STIM1: variants seen among roughly 807,000 people sequenced by gnomAD.
STIM1 encodes stromal interaction molecule 1.
In STIM1, 25 loss-of-function variants were observed where a neutral mutation model predicts 74.7. The observed-to-expected ratio is 0.33, with a 90% CI of 0.24 to 0.47. The LOEUF (loss-of-function observed/expected upper bound fraction) is 0.47. STIM1 is among the 20% of genes least tolerant of loss of function. The pLI, the probability that STIM1 is intolerant of heterozygous loss-of-function variation, is 1.00. For synonymous variants in STIM1, 328 were observed against 348.8 expected, an observed-to-expected ratio of 0.94 and a Z score of 0.66; for missense variants, 728 against 920.8, an observed-to-expected ratio of 0.79 and a Z score of 2.71.
At chr11:3,953,899 C>T (rs1006437917) in intron 1 of STIM1, among the ~76,000 whole-genome samples, 3 of 151,774 alleles carry the variant, frequency 2.0e-5, no homozygotes, top group African/African-American at 7.3e-5. Context: ...CCTCTCATCC[C>T]AGCCTCCCTA....
At chr11:3,876,668 C>G (rs1590516776) in intron 1 of STIM1, among the ~76,000 whole-genome samples, 1 of 152,282 alleles carries the variant, frequency 6.6e-6, no homozygotes, top group South Asian at 2.1e-4. Context: ...CTCCATCTCC[C>G]AAAGTGATGG....
At chr11:3,938,771 C>T (rs541879654) in intron 1 of STIM1, among the ~76,000 whole-genome samples, 244 of 152,228 alleles carry the variant, frequency 1.6e-3, no homozygotes, top group African/African-American at 5.5e-3. Flanking sequence ...TGCTTGAACC[C>T]GGGAGGCAGA....
At chr11:3,955,954 C>CA (rs1344107694) in intron 1 of STIM1, among the ~76,000 whole-genome samples, 7 of 150,970 alleles carry the variant, frequency 4.6e-5, no homozygotes, top group African/African-American at 1.7e-4. Context: ...GCTCCCTGTG[C>CA]AGCAGGGCTA....
intron 6 of STIM1, 82 bp from the exon 7 acceptor site, chr11:4,074,420 C>A: frequency 6.5e-7 from 1 of 1,531,160 alleles, no homozygotes; most frequent in African/African-American, 1.4e-5. Context: ...CTGTCATTTT[C>A]CTCTTTGATG....
At chr11:3,906,118 G>C (rs1324364909) in intron 1 of STIM1, among the ~76,000 whole-genome samples, 1 of 152,214 alleles carries the variant, frequency 6.6e-6, no homozygotes, top group Non-Finnish European at 1.5e-5. Flanking sequence ...AAAAGAATCA[G>C]CTTCCAGGCC....
chr11:4,017,179 G>T (rs2093907031), intron 2 of STIM1, among the ~76,000 whole-genome samples: 1 of 152,200 alleles, frequency 6.6e-6, no homozygotes. Flanking sequence ...CTGTAGACCG[G>T]AGCTGTTCCT....
chr11:3,906,569 T>C (rs2092468833), intron 1 of STIM1, among the ~76,000 whole-genome samples: 1 of 152,232 alleles, frequency 6.6e-6, no homozygotes, highest in Admixed American at 6.5e-5. Context: ...TATAAAATAA[T>C]ATATACTGTC....
intron 1 of STIM1, among the ~76,000 whole-genome samples, chr11:3,911,646 C>G (rs2092564147): frequency 6.6e-6 from 1 of 152,092 alleles, no homozygotes; most frequent in South Asian, 2.1e-4. Flanking sequence ...CTTGGCCTCC[C>G]ACAGTGTTGG....
chr11:3,965,544 G>A (rs1019249716), intron 1 of STIM1, among the ~76,000 whole-genome samples: 1 of 152,210 alleles, frequency 6.6e-6, no homozygotes, highest in Non-Finnish European at 1.5e-5. Context: ...TGGTGAGGTA[G>A]TAGAGAAACA....
chr11:3,962,011 C>T (rs1026622286), intron 1 of STIM1, among the ~76,000 whole-genome samples: 2 of 152,132 alleles, frequency 1.3e-5, no homozygotes, highest in African/African-American at 4.8e-5. Flanking sequence ...TTGAAACTAC[C>T]TAGTTAACTA....
At chr11:4,003,373 C>G (rs1251613886) in intron 2 of STIM1, among the ~76,000 whole-genome samples, 2 of 151,484 alleles carry the variant, frequency 1.3e-5, no homozygotes, top group African/African-American at 4.9e-5. Flanking sequence ...AGCAGCACAT[C>G]AAAAAGCTTA....
chr11:3,967,546 A>C lies in STIM1; in HGVS notation c.140-6A>C. The C allele has an allele frequency of 1.9e-6, 3 of 1,614,128 alleles. No individual in the cohort carries two copies. The highest frequency in any genetic ancestry group is 2.5e-6 in the Non-Finnish European group (3 of 1,179,996). On this transcript the variant is annotated splice_polypyrimidine_tract_variant and splice_region_variant and intron_variant, in intron 1 of 12. Coordinates refer to ENST00000526596, the MANE Select transcript of STIM1 (RefSeq NM_001382567.1). The stretch of plus-strand genomic sequence containing the variant: ...AGTAATTTTGTCTCTTGCTTTTCTT[A>C]CACAGAGTTTTGCCGAATTGACAAG...
chr11:3,996,851 T>C, intron 2 of STIM1, among the ~76,000 whole-genome samples: 1 of 152,242 alleles, frequency 6.6e-6, no homozygotes, highest in East Asian at 1.9e-4. Context: ...ATTTTGTAAC[T>C]GTTCTTTCTC....
chr11:3,895,706 CT>C (rs1241335180), intron 1 of STIM1, among the ~76,000 whole-genome samples: 12 of 33,294 alleles, frequency 3.6e-4, no homozygotes, highest in Admixed American at 1.0e-3. Flanking sequence ...TTCTTTCTTT[CT>C]TTCTTTCTTT....
intron 1 of STIM1, among the ~76,000 whole-genome samples, chr11:3,918,225 A>G (rs2092673742): frequency 6.6e-6 from 1 of 152,140 alleles, no homozygotes. Flanking sequence ...GCTTATTGAA[A>G]GATACAACAG....
chr11:4,038,618 A>G (rs1408265339), intron 3 of STIM1, among the ~76,000 whole-genome samples: 1 of 152,110 alleles, frequency 6.6e-6, no homozygotes, highest in African/African-American at 2.4e-5. Flanking sequence ...ATTATTTCAT[A>G]TATGTTGTCT....
chr11:3,926,311 C>T (rs1243250718), intron 1 of STIM1, among the ~76,000 whole-genome samples: 1 of 152,122 alleles, frequency 6.6e-6, no homozygotes, highest in Non-Finnish European at 1.5e-5. Context: ...ATGTGGTAAG[C>T]GATACCGAAA....
At chr11:3,886,324 A>AT (rs577869081) in intron 1 of STIM1, among the ~76,000 whole-genome samples, 24 of 150,612 alleles carry the variant, frequency 1.6e-4, no homozygotes, top group Non-Finnish European at 2.2e-4. Flanking sequence ...AGGGAAGTTG[A>AT]TTTTTTTTTT....
intron 1 of STIM1, among the ~76,000 whole-genome samples, chr11:3,964,792 A>G (rs1306840102): frequency 1.3e-5 from 2 of 151,120 alleles, no homozygotes; most frequent in East Asian, 1.9e-4. Flanking sequence ...TGGCACAAAC[A>G]TGGATCACTG....
Sources: gnomAD v4.1 joint callset for allele counts (sites outside exome capture counted in the v4.1 genomes callset) on GRCh38, gnomAD v4.1.1 for gene constraint, MANE v1.5 for transcripts, NCBI Gene and HGNC (gene_info 2026-07-23, HGNC 2026-07-21) for gene names.